Variants in MEIG1 observed in about 807,000 individuals in gnomAD.
MEIG1 encodes meiosis expressed gene 1 protein homolog.
MEIG1 carries 12 observed loss-of-function variants against 11.3 expected under a neutral mutation model. The observed-to-expected ratio is 1.07, with a 90% confidence interval of 0.68 to 1.73. MEIG1 has a LOEUF of 1.73. Ranked by LOEUF, MEIG1 falls within the 40% of genes most tolerant of loss-of-function variation. MEIG1 has a pLI of 0.00. For synonymous variants in MEIG1, 41 were observed against 33.2 expected (o/e 1.24, Z -0.81); for missense variants, 119 against 104.9 (o/e 1.13, Z -0.59).
intron 2 of MEIG1, among the ~76,000 whole-genome samples, chr10:14,970,860 C>A (rs1011060126): frequency 1.3e-5 from 2 of 152,062 alleles, no homozygotes; most frequent in Admixed American, 1.3e-4. Context: ...TGCAGGACTG[C>A]CTGTATAGAT....
chr10:14,972,016 C>CTTT (rs752832334), intron 2 of MEIG1, among the ~76,000 whole-genome samples: 7 of 143,152 alleles, frequency 4.9e-5, no homozygotes, highest in African/African-American at 1.8e-4. Context: ...AATTAGTTGT[C>CTTT]TTTTTTTTTT....
At chr10:14,982,636 C>T (rs577605546) in intron 1 of MEIG1, among the ~76,000 whole-genome samples, 5 of 152,198 alleles carry the variant, frequency 3.3e-5, no homozygotes, top group African/African-American at 7.2e-5. Flanking sequence ...CCCAGTATAC[C>T]GCTGCTCTCT....
At chr10:14,958,513 T>G (rs957134749), upstream of MEIG1, among the ~76,000 whole-genome samples, 3 of 152,134 alleles carry the variant, frequency 2.0e-5, no homozygotes, top group African/African-American at 7.2e-5. Context: ...AATTACTGAG[T>G]CTCCAGAGCT....
downstream of MEIG1, among the ~76,000 whole-genome samples, chr10:14,977,329 C>CT (rs1843219677): frequency 6.6e-6 from 1 of 151,902 alleles, no homozygotes; most frequent in African/African-American, 2.4e-5. Context: ...TGTCACAGGC[C>CT]TGTTCCTTCT....
intron 1 of MEIG1, among the ~76,000 whole-genome samples, chr10:14,979,833 T>A (rs1445549131): frequency 2.0e-5 from 3 of 152,048 alleles, no homozygotes; most frequent in African/African-American, 7.3e-5. Flanking sequence ...GAGGGAGGTA[T>A]AACTTTTAAT....
chr10:14,963,375 G>A (rs1843038492), intron 1 of MEIG1, among the ~76,000 whole-genome samples: 1 of 151,996 alleles, frequency 6.6e-6, no homozygotes, highest in African/African-American at 2.4e-5. Context: ...GATTACAGGC[G>A]TGAGCCACCA....
intron 1 of MEIG1, among the ~76,000 whole-genome samples, chr10:14,979,063 C>T (rs1016950186): frequency 5.3e-5 from 8 of 151,876 alleles, no homozygotes; most frequent in Non-Finnish European, 8.8e-5. Context: ...TGCCACAATA[C>T]GTGTACACCC....
At chr10:14,986,055 AC>A in intron 1 of MEIG1, among the ~76,000 whole-genome samples, 1 of 152,112 alleles carries the variant, frequency 6.6e-6, no homozygotes. Flanking sequence ...ATGTGTGTAT[AC>A]TCTGTGACAG....
chr10:14,965,658 G>A (rs1843072123), intron 1 of MEIG1, among the ~76,000 whole-genome samples: 1 of 149,812 alleles, frequency 6.7e-6, no homozygotes, highest in African/African-American at 2.5e-5. Flanking sequence ...GAGAAGACGG[G>A]TCTTACATTC....
intron 1 of MEIG1, among the ~76,000 whole-genome samples, chr10:14,979,267 T>C (rs555967445): frequency 6.6e-6 from 1 of 152,020 alleles, no homozygotes; most frequent in East Asian, 1.9e-4. Context: ...CACCCTGTGA[T>C]ATTACACAGG....
chr10:14,971,855 G>A (rs1843154531), intron 2 of MEIG1, among the ~76,000 whole-genome samples: 1 of 152,114 alleles, frequency 6.6e-6, no homozygotes, highest in Admixed American at 6.6e-5. Context: ...CAGTGGCTCA[G>A]GCCTGTAATT....
At chr10:14,985,877 C>A (rs1843313608) in intron 1 of MEIG1, among the ~76,000 whole-genome samples, 1 of 151,974 alleles carries the variant, frequency 6.6e-6, no homozygotes, top group Admixed American at 6.6e-5. Context: ...TAGGGAGATA[C>A]AACTCCTGAT....
chr10:14,966,264 A>G (rs963706661), intron 1 of MEIG1, among the ~76,000 whole-genome samples, 176 bp from the exon 2 acceptor site: 7 of 151,780 alleles, frequency 4.6e-5, no homozygotes, highest in Non-Finnish European at 8.8e-5. Context: ...GTGTTTCACC[A>G]TGTTGGCCAG....
In MEIG1 at chr10:14,972,819, G is replaced by T. The variant is rs190698540; in HGVS notation, c.*178G>T. On this transcript the variant is annotated 3_prime_UTR_variant, in exon 3 of 3. Coordinates refer to ENST00000407572, the MANE Select transcript of MEIG1 (RefSeq NM_001080836.3). ...ATCACCTTGTCCTGTTCTAAGAACTGGCTGCAGATGCATTAAAGTTGTACT... is the reference window on the plus strand; with the variant it reads ...ATCACCTTGTCCTGTTCTAAGAACTTGCTGCAGATGCATTAAAGTTGTACT... 1.6e-5 allele frequency: 9 copies of T among 545,814 alleles called. No homozygotes were observed. Among genetic ancestry groups the T allele is most frequent in the Non-Finnish European group, 2.2e-5 (7 of 316,846 alleles). 33.8% of individuals were successfully genotyped at this position (545,814 alleles called of 1,614,324 possible).
downstream of MEIG1, among the ~76,000 whole-genome samples, chr10:14,977,486 G>A (rs930537321): frequency 1.5e-4 from 23 of 152,060 alleles, no homozygotes; most frequent in African/African-American, 4.8e-4. Context: ...ATATTGTAGG[G>A]GGATGTCACT....
At chr10:14,955,240 C>T (rs1231961877), upstream of MEIG1, among the ~76,000 whole-genome samples, 1 of 152,224 alleles carries the variant, frequency 6.6e-6, no homozygotes, top group Non-Finnish European at 1.5e-5. Flanking sequence ...CTCCATAACA[C>T]TTGAAGTCCC....
intron 1 of MEIG1, among the ~76,000 whole-genome samples, chr10:14,962,956 G>T (rs1843032733): frequency 6.7e-6 from 1 of 150,012 alleles, no homozygotes; most frequent in Non-Finnish European, 1.5e-5. Context: ...TAGACACGGG[G>T]TTTCACCATC....
chr10:14,981,122 C>G (rs558842192), intron 1 of MEIG1, among the ~76,000 whole-genome samples: 2 of 152,066 alleles, frequency 1.3e-5, no homozygotes, highest in South Asian at 2.1e-4. Flanking sequence ...CTCTGGTGAC[C>G]GGGTCCTGTT....
upstream of MEIG1, among the ~76,000 whole-genome samples, chr10:14,958,981 G>C (rs1842979433): frequency 1.3e-5 from 2 of 152,074 alleles, no homozygotes; most frequent in Admixed American, 6.5e-5. Context: ...TATAGTAATA[G>C]ATAATGCTAG....
Sources: allele counts gnomAD v4.1 joint callset (sites outside exome capture counted in the v4.1 genomes callset), GRCh38; gene constraint gnomAD v4.1.1; transcripts MANE v1.5; gene names NCBI Gene and HGNC (gene_info 2026-07-23, HGNC 2026-07-21).